DDX10: variants seen among roughly 807,000 people sequenced by gnomAD.
DDX10 encodes DEAD-box helicase 10.
In DDX10, 74 loss-of-function variants were observed where a neutral mutation model predicts 104.3. The ratio of observed to expected loss-of-function variants is 0.71; its 90% CI spans 0.59 to 0.86. DDX10 has a LOEUF of 0.86. Ranked by LOEUF, DDX10 falls within the 40% of genes least tolerant of loss-of-function variation. DDX10 has a pLI of 0.00. For synonymous variants in DDX10, 351 were observed against 353.4 expected (o/e 0.99, Z 0.08); for missense variants, 952 against 1,040.0 (o/e 0.92, Z 1.16).
chr11:108,704,770 T>C (rs1454449385), intron 9 of DDX10, among the ~76,000 whole-genome samples: 1 of 152,176 alleles, frequency 6.6e-6, no homozygotes, highest in East Asian at 1.9e-4. Context: ...AAACAGATAA[T>C]TGGTGAAAGT....
At chr11:108,795,036 C>G (rs1452324268) in intron 13 of DDX10, among the ~76,000 whole-genome samples, 4 of 152,114 alleles carry the variant, frequency 2.6e-5, no homozygotes, top group Non-Finnish European at 4.4e-5. Context: ...CCATGTTGGT[C>G]AGGCTGGTCT....
chr11:108,673,321 C>T (rs866751347), intron 1 of DDX10, 146 bp from the exon 2 acceptor site: 14 of 623,724 alleles, frequency 2.2e-5, no homozygotes, highest in African/African-American at 2.1e-4. Flanking sequence ...TATTTCGTTA[C>T]AGAAGGAATG....
chr11:108,928,378 C>T (rs981542069), intron 17 of DDX10, among the ~76,000 whole-genome samples: 1 of 152,176 alleles, frequency 6.6e-6, no homozygotes, highest in Non-Finnish European at 1.5e-5. Flanking sequence ...AAAATAGTTG[C>T]TCTAGCAGGT....
chr11:108,665,368 G>A lies in DDX10; in HGVS notation c.186+29G>A, dbSNP rs201084753. 5.2e-6 allele frequency: 8 copies of A among 1,533,572 alleles called. No individual in the cohort carries two copies. The African/African-American group carries it at 8.4e-5, about 16-fold the overall frequency. The allele number at this position is 1,533,572 out of a possible 1,614,324, so 95.0% of individuals were successfully genotyped here. A position where few individuals can be genotyped will look rare whatever the true frequency, so the allele number is the denominator to read the frequency against. On this transcript the variant is annotated intron_variant, in intron 1 of 17. Coordinates refer to ENST00000322536, the MANE Select transcript of DDX10 (RefSeq NM_004398.4). ...AGGCCGGCGCTGGGGAGGGGGCTCG[G>A]GCCGGCCAGCAGCGGGGCAGCGTCT...
chr11:108,933,737 T>G (rs142607900), intron 17 of DDX10, among the ~76,000 whole-genome samples: 37 of 152,342 alleles, frequency 2.4e-4, no homozygotes, highest in Non-Finnish European at 2.9e-4. Flanking sequence ...CAATGCAGAT[T>G]TAAATGTCTA....
In DDX10 at chr11:108,917,921, G is replaced by C. The variant is rs1863772780; in HGVS notation, c.2353G>C (p.Asp785His). Reference sequence around the variant, plus strand: ...TCTGGATTGGAGTGATGATGATGATGATGATGATGATGGATTTGATCCAAG... The same window carrying C: ...TCTGGATTGGAGTGATGATGATGATCATGATGATGATGGATTTGATCCAAG... ...AFLDWSDDDDDDDDGFDPSTL... is the reference protein window; with the variant it reads ...AFLDWSDDDDHDDDGFDPSTL... The change falls in exon 17 of 18, where the codon GAT becomes CAT. Residue 785 changes from aspartate to histidine, a missense_variant. Asp to His is a moderately conservative substitution (Grantham distance 81). Around this residue, in one of 3 missense-constraint regions of DDX10, gnomAD observed 533 missense variants for 534.1 expected, o/e 1.00. Coordinates refer to ENST00000322536, the MANE Select transcript of DDX10 (RefSeq NM_004398.4). 1 of 1,612,886 alleles carries C rather than the reference G, an allele frequency of 6.2e-7. No individual in the cohort carries two copies. Among genetic ancestry groups the C allele is most frequent in the South Asian group, 1.1e-5 (1 of 91,034 alleles).
At chr11:108,819,855 T>C (rs978191960) in intron 13 of DDX10, among the ~76,000 whole-genome samples, 5 of 152,110 alleles carry the variant, frequency 3.3e-5, no homozygotes, top group Admixed American at 3.3e-4. Flanking sequence ...CGCCTCGGCC[T>C]CCCAAAGTGC....
At chr11:108,733,659 G>A (rs969888691) in intron 13 of DDX10, among the ~76,000 whole-genome samples, 6 of 151,936 alleles carry the variant, frequency 3.9e-5, no homozygotes, top group African/African-American at 4.8e-5. Flanking sequence ...TTTGATTCCC[G>A]TCATTTCTAC....
At chr11:108,907,917 A>C (rs1002369401) in intron 16 of DDX10, among the ~76,000 whole-genome samples, 2 of 152,202 alleles carry the variant, frequency 1.3e-5, no homozygotes, top group Admixed American at 6.5e-5. Flanking sequence ...ATATTACAAC[A>C]TTATTATTAA....
intron 7 of DDX10, chr11:108,690,449 A>G (rs1023068693): frequency 6.5e-6 from 1 of 153,382 alleles, no homozygotes; most frequent in African/African-American, 2.4e-5. Flanking sequence ...AAGTCTCACC[A>G]GCACAGAGAG....
chr11:108,841,504 G>T, intron 15 of DDX10, 28 bp downstream of exon 15: 1 of 1,604,802 alleles, frequency 6.2e-7, no homozygotes, highest in South Asian at 1.1e-5. Context: ...AATTCATACT[G>T]AGTAAAATTT....
intron 6 of DDX10, among the ~76,000 whole-genome samples, chr11:108,686,414 T>G (rs1591791540): frequency 6.6e-6 from 1 of 152,232 alleles, no homozygotes; most frequent in South Asian, 2.1e-4. Flanking sequence ...TCATCTCCCC[T>G]GGCAGCCGCT....
At chr11:108,787,411 C>T (rs956748936) in intron 13 of DDX10, among the ~76,000 whole-genome samples, 4 of 152,064 alleles carry the variant, frequency 2.6e-5, no homozygotes, top group African/African-American at 9.7e-5. Flanking sequence ...GGGAGATTTT[C>T]GTAGAGTATA....
At chr11:108,778,634 G>T (rs1239978053) in intron 13 of DDX10, among the ~76,000 whole-genome samples, 2 of 152,186 alleles carry the variant, frequency 1.3e-5, no homozygotes, top group Non-Finnish European at 2.9e-5. Context: ...ATAGGCATGG[G>T]CAAGGACTTC....
In DDX10 at chr11:108,702,992, A is replaced by G. The variant is rs753203983; in HGVS notation, c.1224-3747A>G. Among the ~76,000 whole-genome samples, 27 of 152,226 alleles carry G rather than the reference A, an allele frequency of 1.8e-4. 1 individual carries two copies. The highest frequency in any genetic ancestry group is 4.6e-4 in the Admixed American group (7 of 15,286). On this transcript the variant is annotated intron_variant, in intron 9 of 17. Transcript: ENST00000322536. ...TGGAAGAGCTGCATAAATTAAATATAGTATTGATATTGATGGCAAAAATGA... is the reference window on the plus strand; with the variant it reads ...TGGAAGAGCTGCATAAATTAAATATGGTATTGATATTGATGGCAAAAATGA...
chr11:108,689,867 G>C (rs889025871), intron 7 of DDX10, among the ~76,000 whole-genome samples: 3 of 152,148 alleles, frequency 2.0e-5, no homozygotes, highest in Admixed American at 2.0e-4. Context: ...TAGCTTATGG[G>C]AAGTTAAGTG....
intron 13 of DDX10, among the ~76,000 whole-genome samples, chr11:108,727,073 A>G (rs747805679): frequency 4.6e-5 from 7 of 151,936 alleles, no homozygotes; most frequent in Non-Finnish European, 7.4e-5. Context: ...ATAGGATTCT[A>G]TTTGCTAATA....
intron 16 of DDX10, among the ~76,000 whole-genome samples, chr11:108,882,500 C>T (rs750828802): frequency 3.3e-5 from 5 of 152,178 alleles, no homozygotes; most frequent in South Asian, 2.1e-4. Context: ...AAAGAAGACT[C>T]GTGTTTAATT....
intron 9 of DDX10, among the ~76,000 whole-genome samples, chr11:108,694,681 C>A (rs182467787): frequency 2.0e-5 from 3 of 152,120 alleles, no homozygotes; most frequent in Non-Finnish European, 2.9e-5. Flanking sequence ...GAGTTCAAGA[C>A]CAGCCTGAGC....
Sources: gnomAD v4.1 joint callset for allele counts (sites outside exome capture counted in the v4.1 genomes callset) on GRCh38, gnomAD v4.1.1 for gene constraint, gnomAD v4.1.1 regional missense constraint, MANE v1.5 for transcripts, NCBI Gene and HGNC (gene_info 2026-07-23, HGNC 2026-07-21) for gene names.